AFF3: variants seen among roughly 807,000 people sequenced by gnomAD.
AFF3 encodes ALF transcription elongation factor 3.
In AFF3, 32 loss-of-function variants were observed where a neutral mutation model predicts 129.7. The ratio of observed to expected loss-of-function variants is 0.25; its 90% CI spans 0.19 to 0.33. AFF3 has a LOEUF of 0.33. AFF3 is among the 10% of genes least tolerant of loss of function. The probability of loss-of-function intolerance (pLI) is 1.00; values close to 1 mark genes in which losing one functional copy is unlikely to be tolerated. For missense variants in AFF3, 1,373 were observed against 1,592.0 expected, an observed-to-expected ratio of 0.86 and a Z score of 2.34; for synonymous variants, 644 against 635.4, an observed-to-expected ratio of 1.01 and a Z score of -0.20.
intron 8 of AFF3, among the ~76,000 whole-genome samples, chr2:99,825,169 G>T (rs940969302): frequency 6.6e-6 from 1 of 152,140 alleles, no homozygotes; most frequent in African/African-American, 2.4e-5. Context: ...CAATGGCAAA[G>T]GAGAAATTAG....
intron 13 of AFF3, among the ~76,000 whole-genome samples, chr2:99,636,050 T>TGC (rs1471481312): frequency 6.6e-6 from 1 of 152,216 alleles, no homozygotes; most frequent in African/African-American, 2.4e-5. Flanking sequence ...GTTTAGTGGC[T>TGC]GGGGCCATGA....
At chr2:99,808,378 G>A (rs561725670) in intron 8 of AFF3, among the ~76,000 whole-genome samples, 1 of 152,150 alleles carries the variant, frequency 6.6e-6, no homozygotes, top group Non-Finnish European at 1.5e-5. Context: ...GAAAATAAGT[G>A]TCATTATTCA....
chr2:99,679,648 G>GA lies in AFF3; in HGVS notation c.1092-7060dup, dbSNP rs200680169. Among the ~76,000 whole-genome samples the GA allele has an allele frequency of 4.9e-3, 745 of 152,300 alleles. 7 individuals carry two copies. The highest frequency in any genetic ancestry group is 0.017 in the African/African-American group (722 of 41,568). On this transcript the variant is annotated intron_variant, in intron 11 of 24. Transcript: ENST00000672756. ...AAATGGAAATCAACAGTCATAAGAA[G>GA]AAACAGTCAGTGGTACAGAGTCTGG...
At chr2:99,630,937 C>T (rs2105387419) in intron 13 of AFF3, 1 of 408,048 alleles carries the variant, frequency 2.5e-6, no homozygotes, top group South Asian at 1.9e-5. Flanking sequence ...AGTGACGTAG[C>T]AGAGAACACA....
At position 99,872,189 on chromosome 2, in the gene AFF3, C is replaced by T. The variant is rs941508399; in HGVS notation, c.874-34665G>A. Among the ~76,000 whole-genome samples, 18 of 110,668 alleles carry T rather than the reference C, an allele frequency of 1.6e-4. No individual in the cohort carries two copies. The Admixed American group carries it at 2.6e-3, about 16-fold the overall frequency. 72.6% of individuals were successfully genotyped at this position (110,668 alleles called of 152,430 possible). Reference sequence around the variant, plus strand: ...CCACTGCACTCTCCAGCCTGGGCAACACAGCGAGACTCCATCTCAAAAAAA... The same window carrying T: ...CCACTGCACTCTCCAGCCTGGGCAATACAGCGAGACTCCATCTCAAAAAAA... On this transcript the variant is annotated intron_variant, in intron 7 of 24. Coordinates refer to ENST00000672756, the MANE Select transcript of AFF3 (RefSeq NM_001386135.1).
intron 7 of AFF3, among the ~76,000 whole-genome samples, chr2:99,857,253 C>T (rs1690597823): frequency 6.6e-6 from 1 of 152,182 alleles, no homozygotes; most frequent in South Asian, 2.1e-4. Context: ...TTGTGCCACT[C>T]ATTTACAGGC....
chr2:99,688,412 C>A (rs779042335), intron 11 of AFF3, among the ~76,000 whole-genome samples: 16 of 152,302 alleles, frequency 1.1e-4, no homozygotes, highest in Admixed American at 3.3e-4. Flanking sequence ...AGATGCTTGA[C>A]CAGCAAAAGC....
chr2:99,790,319 C>CA (rs1685108551), intron 8 of AFF3, among the ~76,000 whole-genome samples: 1 of 152,206 alleles, frequency 6.6e-6, no homozygotes, highest in Non-Finnish European at 1.5e-5. Context: ...CAAGACAACT[C>CA]AAAATTTATT....
chr2:99,838,299 C>T (rs1298005451), intron 7 of AFF3, among the ~76,000 whole-genome samples: 1 of 152,060 alleles, frequency 6.6e-6, no homozygotes, highest in Non-Finnish European at 1.5e-5. Context: ...TCAGGGAGAT[C>T]ACTTCTCTTC....
chr2:100,016,344 AGTGATG>A (rs199725449), intron 4 of AFF3, among the ~76,000 whole-genome samples: 3,181 of 137,206 alleles, frequency 0.023, 122 homozygotes, highest in African/African-American at 0.083. Flanking sequence ...TGGTAGTGAT[AGTGATG>A]GTGATGGTGG....
intron 7 of AFF3, among the ~76,000 whole-genome samples, chr2:99,960,682 C>T (rs1245457878): frequency 2.0e-5 from 3 of 152,182 alleles, no homozygotes; most frequent in Non-Finnish European, 4.4e-5. Context: ...CCTGTCCTAT[C>T]CTTTGTGCTT....
chr2:99,702,726 T>C (rs1676986437), intron 11 of AFF3, among the ~76,000 whole-genome samples: 1 of 152,244 alleles, frequency 6.6e-6, no homozygotes, highest in Admixed American at 6.5e-5. Context: ...ATGAAATGTC[T>C]GTGTATGTCT....
chr2:99,850,379 C>A (rs1177601854), intron 7 of AFF3, among the ~76,000 whole-genome samples: 1 of 152,130 alleles, frequency 6.6e-6, no homozygotes, highest in African/African-American at 2.4e-5. Context: ...GAAAGTGTCA[C>A]GGGAAGGAGA....
Position 99,547,851 on chromosome 2 carries a change from T to C in AFF3, c.*3623A>G, listed in dbSNP as rs1195339448. On this transcript the variant is annotated 3_prime_UTR_variant, in exon 25 of 25. Coordinates refer to ENST00000672756, the MANE Select transcript of AFF3 (RefSeq NM_001386135.1). ...CTGTTATATAATACACACATCATTG[T>C]TGTACATATGAGGATAAGTTTTAGT... 1 of 212,714 alleles carries C rather than the reference T, an allele frequency of 4.7e-6. No homozygotes were observed. Among genetic ancestry groups the C allele is most frequent in the Non-Finnish European group, 9.5e-6 (1 of 104,808 alleles). 13.2% of individuals were successfully genotyped at this position (212,714 alleles called of 1,614,324 possible). A position where few individuals can be genotyped will look rare whatever the true frequency, so the allele number is the denominator to read the frequency against.
intron 2 of AFF3, among the ~76,000 whole-genome samples, chr2:100,110,788 A>C (rs547981877): frequency 1.3e-5 from 2 of 152,310 alleles, no homozygotes; most frequent in Admixed American, 6.5e-5. Context: ...ATCCATCTGC[A>C]CTTGTCCTTG....
At chr2:99,813,324 T>G (rs1326852935) in intron 8 of AFF3, among the ~76,000 whole-genome samples, 1 of 152,196 alleles carries the variant, frequency 6.6e-6, no homozygotes, top group Non-Finnish European at 1.5e-5. Flanking sequence ...TGTAATAGAT[T>G]TTTATACCAG....
intron 7 of AFF3, among the ~76,000 whole-genome samples, chr2:99,891,816 G>A (rs946167955): frequency 6.7e-6 from 1 of 148,530 alleles, no homozygotes; most frequent in Admixed American, 7.0e-5. Flanking sequence ...TGGGCTTAAA[G>A]CCCACCAGCA....
intron 16 of AFF3, among the ~76,000 whole-genome samples, chr2:99,585,927 C>A (rs1468554693): frequency 6.6e-6 from 1 of 152,058 alleles, no homozygotes; most frequent in Non-Finnish European, 1.5e-5. Flanking sequence ...TACGGGGTTT[C>A]ACCATATTGG....
intron 4 of AFF3, among the ~76,000 whole-genome samples, chr2:100,052,857 G>A (rs976802394): frequency 1.3e-5 from 2 of 152,192 alleles, no homozygotes; most frequent in African/African-American, 2.4e-5. Flanking sequence ...TCCCCAGTAC[G>A]AGCTTGAGCA....
Sources: allele counts gnomAD v4.1 joint callset (sites outside exome capture counted in the v4.1 genomes callset), GRCh38; gene constraint gnomAD v4.1.1; transcripts MANE v1.5; gene names NCBI Gene and HGNC (gene_info 2026-07-23, HGNC 2026-07-21).